The following DNMT3A variants were observed in gnomAD, a reference collection of about 807,000 sequenced individuals.
The protein encoded by DNMT3A is DNA (cytosine-5)-methyltransferase 3A.
In DNMT3A, 267 loss-of-function variants were observed where a neutral mutation model predicts 117.6. The ratio of observed to expected loss-of-function variants is 2.27; its 90% CI spans 2.05 to 2.51. The LOEUF (loss-of-function observed/expected upper bound fraction) is 2.51, where lower values mean the gene tolerates loss of function less well. Ranked by LOEUF, DNMT3A falls within the 30% of genes most tolerant of loss-of-function variation. The pLI, the probability that DNMT3A is intolerant of heterozygous loss-of-function variation, is 0.00. For synonymous variants in DNMT3A, 432 were observed against 474.8 expected (o/e 0.91, Z 1.17); for missense variants, 1,029 against 1,260.2 (o/e 0.82, Z 2.78).
At chr2:25,256,400 T>G (rs751901188) in intron 6 of DNMT3A, among the ~76,000 whole-genome samples, 1 of 152,170 alleles carries the variant, frequency 6.6e-6, no homozygotes, top group Non-Finnish European at 1.5e-5. Context: ...ACCTAAACCC[T>G]GCATATCCTT....
In DNMT3A at chr2:25,282,069, C is replaced by T; in HGVS notation, c.448+372G>A. The T allele has an allele frequency of 1.7e-6, 2 of 1,155,536 alleles. No homozygotes were observed. Among genetic ancestry groups the T allele is most frequent in the Non-Finnish European group, 2.2e-6 (2 of 926,000 alleles). The allele number at this position is 1,155,536 out of a possible 1,614,324, so 71.6% of individuals were successfully genotyped here. ...GCTGCAGAAAACTAAGGCCCACAAC[C>T]AGCCACAGAAGGCGATGGAGGGACC... On this transcript the variant is annotated intron_variant, in intron 4 of 22. Coordinates refer to ENST00000321117, the MANE Select transcript of DNMT3A (RefSeq NM_022552.5). This position sits in a 1 kb window ranked among gnomAD's most constrained non-coding sequence, Gnocchi z 5.2.
chr2:25,270,823 G>C (rs1268081247), intron 6 of DNMT3A, among the ~76,000 whole-genome samples: 1 of 152,214 alleles, frequency 6.6e-6, no homozygotes, highest in Non-Finnish European at 1.5e-5. Context: ...ACTGAGAAAA[G>C]AGGAGAAATG....
rs1000445911 is a variant in DNMT3A, at chr2:25,247,241, G to A, written c.1015-83C>T. ...ATGCCTTGCAACTGGCAGGGGCTGG[G>A]AGCCTCGAGAGTCAGTCTCAGCCCT... On this transcript the variant is annotated intron_variant, in intron 8 of 22. Transcript: ENST00000321117. This position sits in a 1 kb window ranked among gnomAD's most constrained non-coding sequence, Gnocchi z 5.6. 1.2e-4 allele frequency: 170 copies of A among 1,365,708 alleles called. No individual in the cohort carries two copies. The highest frequency in any genetic ancestry group is 5.9e-4 in the Admixed American group (31 of 52,596). The allele number at this position is 1,365,708 out of a possible 1,614,324, so 84.6% of individuals were successfully genotyped here.
At chr2:25,332,423 G>A (rs1369501660) in intron 1 of DNMT3A, among the ~76,000 whole-genome samples, 4 of 152,218 alleles carry the variant, frequency 2.6e-5, no homozygotes, top group African/African-American at 9.7e-5. Flanking sequence ...TGGACATGGT[G>A]TGCCAGGGGT....
intron 6 of DNMT3A, among the ~76,000 whole-genome samples, chr2:25,271,619 C>T (rs577958060): frequency 8.5e-5 from 13 of 152,206 alleles, no homozygotes; most frequent in Non-Finnish European, 1.6e-4. Context: ...TTATAAAACT[C>T]GGTAGCCCCA....
In DNMT3A at chr2:25,341,891, T is replaced by A; in HGVS notation, c.-243A>T. On this transcript the variant is annotated 5_prime_UTR_variant, in exon 1 of 23. Transcript: ENST00000321117. ...TGGTGCCGCGGCGCCGCGTCCCGGC[T>A]CGTCCTCTGCTCTCGCCGCCGCCGC... 1.0e-6 allele frequency: 1 copy of A among 977,028 alleles called. No individual in the cohort carries two copies. Among genetic ancestry groups the A allele is most frequent in the Non-Finnish European group, 1.2e-6 (1 of 827,010 alleles). The allele number at this position is 977,028 out of a possible 1,614,324, so 60.5% of individuals were successfully genotyped here. A position where few individuals can be genotyped will look rare whatever the true frequency, so the allele number is the denominator to read the frequency against.
chr2:25,275,598 G>A lies in DNMT3A; in HGVS notation c.449-55C>T, dbSNP rs2031341455. 10 of 1,539,764 alleles carry A rather than the reference G, an allele frequency of 6.5e-6. No homozygotes were observed. In the East Asian group the frequency reaches 2.5e-4, roughly 38 times the overall value. On this transcript the variant is annotated intron_variant, in intron 4 of 22. Transcript: ENST00000321117. ...TTCGTTGGTCGGCAGAATTACTGGA[G>A]TGGCTCACAGGCCCCACCTTGTGCC... is the stretch of plus-strand genomic sequence containing the variant.
At chr2:25,303,366 T>C (rs933072596) in intron 2 of DNMT3A, among the ~76,000 whole-genome samples, 2 of 152,244 alleles carry the variant, frequency 1.3e-5, no homozygotes, top group Non-Finnish European at 2.9e-5. Flanking sequence ...CTCTGCCATA[T>C]GCAGTCCTGC....
At chr2:25,313,474 C>T (rs918709574) in intron 2 of DNMT3A, among the ~76,000 whole-genome samples, 8 of 152,176 alleles carry the variant, frequency 5.3e-5, no homozygotes, top group Admixed American at 2.0e-4. Flanking sequence ...GTCTGCCGTG[C>T]CCCACCCCAG....
At chr2:25,336,209 G>C (rs913205890) in intron 1 of DNMT3A, among the ~76,000 whole-genome samples, 5 of 152,224 alleles carry the variant, frequency 3.3e-5, no homozygotes, top group African/African-American at 7.2e-5. Flanking sequence ...CCTCCCCTCT[G>C]GGTTGGTGGC....
rs1454200045 is a variant in DNMT3A, at chr2:25,228,115, G to A, written c.*6164C>T. The A allele has an allele frequency of 4.7e-5, 7 of 147,692 alleles. No homozygotes were observed. The highest frequency in any genetic ancestry group is 8.9e-5 in the Non-Finnish European group (6 of 67,128). The allele number at this position is 147,692 out of a possible 1,614,324, so 9.1% of individuals were successfully genotyped here. A position where few individuals can be genotyped will look rare whatever the true frequency, so the allele number is the denominator to read the frequency against. ...CAGGCGGGTGGGGCAGGGACCCCTCGGGCCCCCACTCGCCCTTCCCTGAAT... is the reference window on the plus strand; with the variant it reads ...CAGGCGGGTGGGGCAGGGACCCCTCAGGCCCCCACTCGCCCTTCCCTGAAT... On this transcript the variant is annotated 3_prime_UTR_variant, in exon 23 of 23. Transcript: ENST00000321117.
In DNMT3A at chr2:25,305,347, G is replaced by C. The variant is rs765201589; in HGVS notation, c.73-5104C>G. Among the ~76,000 whole-genome samples the C allele has an allele frequency of 6.6e-6, 1 of 152,184 alleles. No individual in the cohort carries two copies. Among genetic ancestry groups the C allele is most frequent in the Non-Finnish European group, 1.5e-5 (1 of 68,042 alleles). On this transcript the variant is annotated intron_variant, in intron 2 of 22. Coordinates refer to ENST00000321117, the MANE Select transcript of DNMT3A (RefSeq NM_022552.5). This position sits in a 1 kb window ranked among gnomAD's most constrained non-coding sequence, Gnocchi z 4.1. ...CCTCTCTCTAAACATCTGAGGCTACGATCTGACCTACATTTCAACACTGCT... is the reference window on the plus strand; with the variant it reads ...CCTCTCTCTAAACATCTGAGGCTACCATCTGACCTACATTTCAACACTGCT...
intron 19 of DNMT3A, among the ~76,000 whole-genome samples, chr2:25,239,809 A>C (rs1673770254): frequency 6.6e-6 from 1 of 152,244 alleles, no homozygotes; most frequent in Non-Finnish European, 1.5e-5. Flanking sequence ...CTCTGGCAGC[A>C]GAAGCCCTCT....
At chr2:25,256,885 C>T (rs184324631) in intron 6 of DNMT3A, among the ~76,000 whole-genome samples, 1 of 152,290 alleles carries the variant, frequency 6.6e-6, no homozygotes, top group East Asian at 1.9e-4. Context: ...CATTCACCTT[C>T]GTATGGAAGC....
rs1365266786 is a variant in DNMT3A, at chr2:25,236,067, CT to C, written c.2479-243del. On this transcript the variant is annotated intron_variant, in intron 21 of 22. Transcript: ENST00000321117. The surrounding 1 kb of genome is among the most constrained non-coding windows in gnomAD (Gnocchi z 4.5). ...AATCTTAGATCCATCTAGCCACAGA[CT>C]TTTTTTTTTTTTTTTGAGACGGAGT... is the stretch of plus-strand genomic sequence containing the variant. 4.2e-3 allele frequency among the ~76,000 whole-genome samples: 597 copies of C among 142,104 alleles called. 2 individuals carry two copies. The highest frequency in any genetic ancestry group is 8.9e-3 in the African/African-American group (348 of 39,040). The allele number at this position is 142,104 out of a possible 152,430, so 93.2% of individuals were successfully genotyped here.
At chr2:25,330,659 G>T (rs1360783448) in intron 1 of DNMT3A, among the ~76,000 whole-genome samples, 2 of 152,152 alleles carry the variant, frequency 1.3e-5, no homozygotes, top group Admixed American at 1.3e-4. Context: ...ACCCACCAGG[G>T]CTCTGTGCCC....
At chr2:25,328,660 C>G (rs771728471) in intron 1 of DNMT3A, 19 of 523,230 alleles carry the variant, frequency 3.6e-5, no homozygotes, top group South Asian at 2.8e-4. Context: ...TGAAGTCACT[C>G]CCAGGCAGCT....
At chr2:25,280,578 C>T (rs1230661956) in intron 4 of DNMT3A, among the ~76,000 whole-genome samples, 1 of 150,802 alleles carries the variant, frequency 6.6e-6, no homozygotes, top group Non-Finnish European at 1.5e-5. Context: ...GTTGCAGTTC[C>T]CCTGGACATG....
At position 25,257,790 on chromosome 2, in the gene DNMT3A, G is replaced by A. The variant is rs1421401513; in HGVS notation, c.640-9538C>T. 6.6e-6 allele frequency among the ~76,000 whole-genome samples: 1 copy of A among 152,188 alleles called. No individual in the cohort carries two copies. Among genetic ancestry groups the A allele is most frequent in the Non-Finnish European group, 1.5e-5 (1 of 68,030 alleles). ...ATCAGCGGGCTTAAGGTGGGGCCCAGGAATCTATTAAAACCTCCCTGGGTA... is the reference window on the plus strand; with the variant it reads ...ATCAGCGGGCTTAAGGTGGGGCCCAAGAATCTATTAAAACCTCCCTGGGTA... On this transcript the variant is annotated intron_variant, in intron 6 of 22. Transcript: ENST00000321117. The surrounding 1 kb of genome is among the most constrained non-coding windows in gnomAD (Gnocchi z 4.8).
Sources: allele counts gnomAD v4.1 joint callset (sites outside exome capture counted in the v4.1 genomes callset), GRCh38; gene constraint gnomAD v4.1.1; non-coding constraint Gnocchi (gnomAD v3.1); transcripts MANE v1.5; gene names NCBI Gene and HGNC (gene_info 2026-07-23, HGNC 2026-07-21).